LRMDA: variants seen among roughly 807,000 people sequenced by gnomAD.
The protein encoded by LRMDA is leucine-rich melanocyte differentiation-associated protein.
Under a neutral mutation model 29.8 loss-of-function variants are expected in LRMDA, and 18 were observed. The ratio of observed to expected loss-of-function variants is 0.60; its 90% CI spans 0.42 to 0.90. The LOEUF (loss-of-function observed/expected upper bound fraction) is 0.90, where lower values mean the gene tolerates loss of function less well. Among genes scored for constraint, LRMDA ranks in the 40% least tolerant of loss-of-function variants. The pLI is 0.00. For synonymous variants in LRMDA, 125 were observed against 109.4 expected (o/e 1.14, Z -0.89); for missense variants, 273 against 273.9 (o/e 1.00, Z 0.02).
At chr10:76,013,627 C>G (rs1490639179) in intron 2 of LRMDA, among the ~76,000 whole-genome samples, 1 of 152,008 alleles carries the variant, frequency 6.6e-6, no homozygotes, top group Admixed American at 6.6e-5. Context: ...CTGGGTTCAT[C>G]ACCATGACAG....
chr10:75,630,250 A>G (rs963759525), intron 2 of LRMDA, among the ~76,000 whole-genome samples: 3 of 152,156 alleles, frequency 2.0e-5, no homozygotes, highest in Non-Finnish European at 4.4e-5. Context: ...TTCTGTTGCA[A>G]TGCCCAGGGC....
intron 2 of LRMDA, among the ~76,000 whole-genome samples, chr10:75,523,544 G>A (rs1272539117): frequency 1.3e-5 from 2 of 152,194 alleles, no homozygotes; most frequent in Non-Finnish European, 2.9e-5. Flanking sequence ...TGTGGGGACT[G>A]TGTATGGGGA....
chr10:75,724,902 T>G (rs2132191319), intron 2 of LRMDA, among the ~76,000 whole-genome samples: 1 of 152,350 alleles, frequency 6.6e-6, no homozygotes, highest in East Asian at 1.9e-4. Flanking sequence ...TCCAGGGCTA[T>G]GCCAAAATGA....
At chr10:76,105,386 C>A (rs1164899264) in intron 5 of LRMDA, among the ~76,000 whole-genome samples, 11 of 151,772 alleles carry the variant, frequency 7.2e-5, no homozygotes, top group African/African-American at 1.5e-4. Flanking sequence ...AAGATATGGT[C>A]CCCTGGAACC....
At chr10:75,876,495 A>G (rs1036999866) in intron 2 of LRMDA, among the ~76,000 whole-genome samples, 3 of 152,154 alleles carry the variant, frequency 2.0e-5, no homozygotes, top group Admixed American at 1.3e-4. Context: ...TCGAAAGAAA[A>G]ATATCCCAAT....
intron 5 of LRMDA, among the ~76,000 whole-genome samples, chr10:76,216,899 G>T (rs1423759337): frequency 6.6e-6 from 1 of 152,162 alleles, no homozygotes; most frequent in East Asian, 1.9e-4. Flanking sequence ...TGAATGAATT[G>T]CTGTATGTAT....
At chr10:76,094,909 TTAG>T (rs1849290389) in intron 5 of LRMDA, among the ~76,000 whole-genome samples, 1 of 152,178 alleles carries the variant, frequency 6.6e-6, no homozygotes, top group Non-Finnish European at 1.5e-5. Flanking sequence ...CTTTTTTCAC[TTAG>T]TAGGTTTCTT....
chr10:76,510,353 G>A (rs908808130), intron 6 of LRMDA, among the ~76,000 whole-genome samples: 5 of 152,160 alleles, frequency 3.3e-5, no homozygotes. Context: ...TTACAGGCGT[G>A]AGCCACCACC....
intron 5 of LRMDA, among the ~76,000 whole-genome samples, chr10:76,295,682 T>C (rs552292673): frequency 6.6e-6 from 1 of 152,322 alleles, no homozygotes; most frequent in East Asian, 1.9e-4. Context: ...AGGACTATAG[T>C]ATCCCTATTG....
intron 2 of LRMDA, among the ~76,000 whole-genome samples, chr10:75,818,555 G>T (rs1212018748): frequency 6.6e-6 from 1 of 152,188 alleles, no homozygotes; most frequent in African/African-American, 2.4e-5. Context: ...AAACGTTTTA[G>T]CCCAGAACTG....
intron 5 of LRMDA, among the ~76,000 whole-genome samples, chr10:76,276,680 T>G (rs895179462): frequency 6.6e-6 from 1 of 152,218 alleles, no homozygotes; most frequent in African/African-American, 2.4e-5. Flanking sequence ...TAATACTTAT[T>G]TGTATATTTA....
intron 5 of LRMDA, among the ~76,000 whole-genome samples, chr10:76,123,542 T>C (rs1024811473): frequency 6.6e-6 from 1 of 152,144 alleles, no homozygotes. Flanking sequence ...CAAGTCAATA[T>C]ATGTAAAACA....
rs185084092 is a variant in LRMDA at position 76,074,659 on chromosome 10, A to G, written c.516+15876A>G. 8.3e-4 allele frequency among the ~76,000 whole-genome samples: 127 copies of G among 152,324 alleles called. 1 individual carries two copies. The highest frequency in any genetic ancestry group is 1.6e-4 in the Non-Finnish European group (11 of 68,030). On this transcript the variant is annotated intron_variant, in intron 5 of 6. Transcript: ENST00000611255. ...GCTCACTAAAATGCCTGGAACCCCA[A>G]GAAGGGAAGTAGATTTTCCTATCAT...
chr10:76,383,731 A>G (rs1589160326), intron 6 of LRMDA, among the ~76,000 whole-genome samples: 1 of 151,968 alleles, frequency 6.6e-6, no homozygotes, highest in South Asian at 2.1e-4. Context: ...CGCCCGGCCC[A>G]CCAATGTCTT....
intron 5 of LRMDA, among the ~76,000 whole-genome samples, chr10:76,105,416 G>A (rs1462873942): frequency 6.6e-6 from 1 of 151,998 alleles, no homozygotes; most frequent in African/African-American, 2.4e-5. Flanking sequence ...GGGCTTATTT[G>A]GGGGGTGGGG....
intron 2 of LRMDA, among the ~76,000 whole-genome samples, chr10:75,816,281 G>T (rs1018300695): frequency 6.6e-6 from 1 of 152,164 alleles, no homozygotes; most frequent in East Asian, 1.9e-4. Flanking sequence ...TGAAGCGTCA[G>T]AGAGGAGGTC....
chr10:76,459,623 G>C (rs1442624367), intron 6 of LRMDA, among the ~76,000 whole-genome samples: 1 of 152,146 alleles, frequency 6.6e-6, no homozygotes, highest in Admixed American at 6.6e-5. Context: ...AATAGGGAGA[G>C]GAAATGGTTG....
chr10:76,282,981 A>T (rs1840225369), intron 5 of LRMDA, among the ~76,000 whole-genome samples: 1 of 152,128 alleles, frequency 6.6e-6, no homozygotes, highest in Non-Finnish European at 1.5e-5. Context: ...TGGTATACAG[A>T]GGGAGAAAGA....
At chr10:75,934,481 A>G (rs947963184) in intron 2 of LRMDA, among the ~76,000 whole-genome samples, 1 of 152,152 alleles carries the variant, frequency 6.6e-6, no homozygotes, top group Non-Finnish European at 1.5e-5. Context: ...GAAAGCATTT[A>G]TAGGGAAGGA....
Sources: gnomAD v4.1 joint callset for allele counts (sites outside exome capture counted in the v4.1 genomes callset) on GRCh38, gnomAD v4.1.1 for gene constraint, MANE v1.5 for transcripts, NCBI Gene and HGNC (gene_info 2026-07-23, HGNC 2026-07-21) for gene names.